The following DLGAP1 variants were observed in gnomAD, a reference collection of about 807,000 sequenced individuals.
The protein encoded by DLGAP1 is DLG associated protein 1.
A neutral mutation model predicts 90.8 loss-of-function variants in DLGAP1; 11 were observed. The ratio of observed to expected loss-of-function variants is 0.12; its 90% confidence interval spans 0.08 to 0.20. The LOEUF (loss-of-function observed/expected upper bound fraction) is 0.20, where lower values mean the gene tolerates loss of function less well. DLGAP1 is among the 10% of genes least tolerant of loss of function. The pLI, the probability that DLGAP1 is intolerant of heterozygous loss-of-function variation, is 1.00. For synonymous variants in DLGAP1, 558 were observed against 540.7 expected, an observed-to-expected ratio of 1.03 and a Z score of -0.44; for missense variants, 1,050 against 1,333.8, an observed-to-expected ratio of 0.79 and a Z score of 3.31.
At chr18:3,708,641 C>T (rs941427208) in intron 7 of DLGAP1, 3 of 420,168 alleles carry the variant, frequency 7.1e-6, no homozygotes, top group African/African-American at 6.1e-5. Flanking sequence ...AATTTTGGGG[C>T]ACACTCTACA....
At chr18:3,580,102 A>C in intron 8 of DLGAP1, 6 of 880,228 alleles carry the variant, frequency 6.8e-6, no homozygotes, top group Non-Finnish European at 1.1e-5. Context: ...CTGCAGCTTG[A>C]GTCACACATT....
chr18:4,071,497 C>T (rs915022440), intron 2 of DLGAP1, among the ~76,000 whole-genome samples: 2 of 152,120 alleles, frequency 1.3e-5, no homozygotes, highest in South Asian at 4.1e-4. Context: ...ACCAAATCTC[C>T]GACTTCCCAG....
intron 3 of DLGAP1, among the ~76,000 whole-genome samples, chr18:3,944,261 G>A (rs2072831500): frequency 6.6e-6 from 1 of 152,230 alleles, no homozygotes; most frequent in Non-Finnish European, 1.5e-5. Flanking sequence ...ACTTTGGGAA[G>A]CTGAGGCGAG....
chr18:4,448,477 AT>A (rs1489521682), intron 1 of DLGAP1, among the ~76,000 whole-genome samples: 1 of 152,286 alleles, frequency 6.6e-6, no homozygotes, highest in East Asian at 1.9e-4. Context: ...GATTCATATC[AT>A]CAAAGCAGAG....
chr18:3,628,339 G>A (rs1031915899), intron 7 of DLGAP1, among the ~76,000 whole-genome samples: 1 of 151,686 alleles, frequency 6.6e-6, no homozygotes, highest in Non-Finnish European at 1.5e-5. Flanking sequence ...ATAGCCATGT[G>A]CCATCACACT....
intron 1 of DLGAP1, among the ~76,000 whole-genome samples, chr18:4,428,110 A>C (rs2083197111): frequency 6.6e-6 from 1 of 152,198 alleles, no homozygotes; most frequent in African/African-American, 2.4e-5. Flanking sequence ...TGCTTGATAC[A>C]GTTTAAATCT....
At chr18:4,207,176 A>G (rs1174699882) in intron 1 of DLGAP1, among the ~76,000 whole-genome samples, 1 of 152,184 alleles carries the variant, frequency 6.6e-6, no homozygotes, top group Non-Finnish European at 1.5e-5. Flanking sequence ...AAAGAGGTTT[A>G]ATTGACTCAC....
chr18:4,048,559 T>C (rs2075088505), intron 2 of DLGAP1, among the ~76,000 whole-genome samples: 1 of 152,184 alleles, frequency 6.6e-6, no homozygotes, highest in Non-Finnish European at 1.5e-5. Flanking sequence ...AGGAGGGTTT[T>C]TGGTAATTTT....
At chr18:3,708,935 A>C (rs1268579320) in intron 7 of DLGAP1, among the ~76,000 whole-genome samples, 1 of 152,194 alleles carries the variant, frequency 6.6e-6, no homozygotes, top group Non-Finnish European at 1.5e-5. Context: ...TGCCTTTGAG[A>C]TGCCTTACAC....
intron 3 of DLGAP1, among the ~76,000 whole-genome samples, chr18:3,880,958 A>G (rs1377947180): frequency 2.0e-5 from 3 of 150,804 alleles, no homozygotes; most frequent in African/African-American, 7.3e-5. Flanking sequence ...AAAAAAAAAA[A>G]AAAAAAAAAG....
At chr18:4,081,053 T>A (rs1433449224) in intron 2 of DLGAP1, among the ~76,000 whole-genome samples, 1 of 152,012 alleles carries the variant, frequency 6.6e-6, no homozygotes, top group Non-Finnish European at 1.5e-5. Context: ...CACGCCCAGA[T>A]AATTTTTGTA....
At chr18:4,009,656 A>G (rs570331197) in intron 2 of DLGAP1, among the ~76,000 whole-genome samples, 1 of 152,150 alleles carries the variant, frequency 6.6e-6, no homozygotes, top group East Asian at 1.9e-4. Context: ...TCCTCTCCTC[A>G]CTCTATTGGA....
chr18:3,876,436 A>G (rs1347002593), intron 4 of DLGAP1, among the ~76,000 whole-genome samples: 1 of 152,226 alleles, frequency 6.6e-6, no homozygotes, highest in Non-Finnish European at 1.5e-5. Flanking sequence ...ATAGAAGCTT[A>G]ATACATTCAA....
chr18:4,127,275 G>A (rs1231379412), intron 2 of DLGAP1, among the ~76,000 whole-genome samples: 2 of 152,128 alleles, frequency 1.3e-5, no homozygotes. Context: ...TAGATTAGCA[G>A]TCAATAATAC....
In DLGAP1 at chr18:3,952,646, G is replaced by A. The variant is rs149161526; in HGVS notation, c.-73+52470C>T. The stretch of plus-strand genomic sequence containing the variant: ...AACCATGGTAAGTGGAGAGAAAAGG[G>A]TAAATGTTAATCATTTAACTGAACA... On this transcript the variant is annotated intron_variant, in intron 3 of 12. Transcript: ENST00000315677. Among the ~76,000 whole-genome samples the A allele has an allele frequency of 1.6e-3, 241 of 152,306 alleles. 2 individuals are homozygous for A. The highest frequency in any genetic ancestry group is 5.3e-3 in the African/African-American group (220 of 41,558).
intron 2 of DLGAP1, among the ~76,000 whole-genome samples, chr18:4,125,438 C>A (rs1598441473): frequency 6.6e-6 from 1 of 152,154 alleles, no homozygotes; most frequent in Admixed American, 6.5e-5. Flanking sequence ...TCATTAGGGA[C>A]AACAGGCTGG....
At chr18:3,771,283 T>C (rs55691584) in intron 5 of DLGAP1, 49,755 of 152,216 alleles carry the variant, frequency 0.33, 8,255 homozygotes, top group African/African-American at 0.35. Context: ...AACCCCTGGG[T>C]CTTGTTCTTC....
At chr18:4,176,279 C>G (rs1480603627) in intron 1 of DLGAP1, among the ~76,000 whole-genome samples, 1 of 152,212 alleles carries the variant, frequency 6.6e-6, no homozygotes, top group Non-Finnish European at 1.5e-5. Context: ...TCATCATTTC[C>G]AAGTGAATGA....
chr18:4,277,131 A>G (rs889430187), intron 1 of DLGAP1, among the ~76,000 whole-genome samples: 3 of 152,204 alleles, frequency 2.0e-5, no homozygotes, highest in African/African-American at 7.2e-5. Flanking sequence ...ATGGCATTTG[A>G]TGATTTTCCT....
Sources: gnomAD v4.1 joint callset for allele counts (sites outside exome capture counted in the v4.1 genomes callset) on GRCh38, gnomAD v4.1.1 for gene constraint, MANE v1.5 for transcripts, NCBI Gene and HGNC (gene_info 2026-07-23, HGNC 2026-07-21) for gene names.